Variants in MARCHF4 observed in about 807,000 individuals in gnomAD.
MARCHF4 encodes the protein E3 ubiquitin-protein ligase MARCHF4.
In MARCHF4, 14 loss-of-function variants were observed where a neutral mutation model predicts 43.9. The observed-to-expected ratio is 0.32, with a 90% CI of 0.21 to 0.50. MARCHF4 has a LOEUF of 0.50. Ranked by LOEUF, MARCHF4 falls within the 20% of genes least tolerant of loss-of-function variation. MARCHF4 has a pLI of 0.98. For missense variants in MARCHF4, 468 were observed against 536.7 expected, an observed-to-expected ratio of 0.87 and a Z score of 1.27; for synonymous variants, 226 against 213.3, an observed-to-expected ratio of 1.06 and a Z score of -0.52.
chr2:216,367,362 T>C (rs1574489902), intron 1 of MARCHF4, among the ~76,000 whole-genome samples: 1 of 150,638 alleles, frequency 6.6e-6, no homozygotes, highest in East Asian at 2.0e-4. Flanking sequence ...CTCCCTCCCC[T>C]TCACTGCTGT....
intron 1 of MARCHF4, among the ~76,000 whole-genome samples, chr2:216,305,373 C>G (rs1459609222): frequency 6.6e-6 from 1 of 152,174 alleles, no homozygotes; most frequent in Non-Finnish European, 1.5e-5. Context: ...TGGTCATGGT[C>G]TATAGTTTGA....
intron 3 of MARCHF4, chr2:216,266,207 C>G (rs138338293): frequency 1.3e-5 from 2 of 152,224 alleles, no homozygotes; most frequent in African/African-American, 2.4e-5. Context: ...ACTCACCTTG[C>G]GGCTTTAGGT....
Position 216,277,994 on chromosome 2 carries a change from T to C in MARCHF4, c.673-130A>G, listed in dbSNP as rs74775692. On this transcript the variant is annotated intron_variant, in intron 2 of 3. Coordinates refer to ENST00000273067, the MANE Select transcript of MARCHF4 (RefSeq NM_020814.3). ...TAAGCCAGGGCTTTCCAACCTGTGGTACAATGAGCATTTTGCAGGTTTCTG... is the reference window on the plus strand; with the variant it reads ...TAAGCCAGGGCTTTCCAACCTGTGGCACAATGAGCATTTTGCAGGTTTCTG... 5.3e-6 allele frequency: 4 copies of C among 755,702 alleles called. No individual in the cohort carries two copies. In the East Asian group the frequency reaches 1.1e-4, roughly 21 times the overall value. 46.8% of individuals were successfully genotyped at this position (755,702 alleles called of 1,614,324 possible). A position where few individuals can be genotyped will look rare whatever the true frequency, so the allele number is the denominator to read the frequency against.
At chr2:216,299,344 G>A (rs1174754586) in intron 1 of MARCHF4, among the ~76,000 whole-genome samples, 1 of 152,190 alleles carries the variant, frequency 6.6e-6, no homozygotes, top group East Asian at 1.9e-4. Context: ...ATGACGTGGA[G>A]TATTCTCATC....
chr2:216,292,368 G>A (rs1325770602), intron 1 of MARCHF4, among the ~76,000 whole-genome samples: 1 of 152,226 alleles, frequency 6.6e-6, no homozygotes, highest in Non-Finnish European at 1.5e-5. Flanking sequence ...TGAAGACTCA[G>A]AGAATCTAGA....
chr2:216,290,139 T>C lies in MARCHF4; in HGVS notation c.517-6410A>G, dbSNP rs545584042. On this transcript the variant is annotated intron_variant, in intron 1 of 3. Transcript: ENST00000273067. Reference sequence around the variant, plus strand: ...ACCATATATACCTAAGAGACTGTTATGTGCTATGGAGAAAAATAAGCAGGG... The same window carrying C: ...ACCATATATACCTAAGAGACTGTTACGTGCTATGGAGAAAAATAAGCAGGG... Among the ~76,000 whole-genome samples, 71 of 152,290 alleles carry C rather than the reference T, an allele frequency of 4.7e-4. 1 individual carries two copies. Among genetic ancestry groups the C allele is most frequent in the African/African-American group, 1.7e-3 (69 of 41,558 alleles).
In MARCHF4 at chr2:216,369,821, C is replaced by G. The variant is rs747052319; in HGVS notation, c.440G>C (p.Arg147Pro). 6.2e-7 allele frequency: 1 copy of G among 1,613,738 alleles called. No homozygotes were observed. The highest frequency in any genetic ancestry group is 1.1e-5 in the South Asian group (1 of 91,046). The change falls in exon 1 of 4, where the codon CGC (arginine) becomes CCC (proline). Residue 147 changes from arginine to proline, a missense_variant. This residue lies in a region of MARCHF4 where 158 missense variants were observed against 251.1 expected (regional missense o/e 0.63). Transcript: ENST00000273067. ...DDFCKEKTED[R>P]YSLGSSLDSG... ...GTCCAAGCTGCTGCCCAGTGAGTAG[C>G]GATCCTCGGTCTTCTCCTTACAGAA...
chr2:216,351,874 T>TG (rs1203374185), intron 1 of MARCHF4, among the ~76,000 whole-genome samples: 2 of 152,212 alleles, frequency 1.3e-5, no homozygotes, highest in Non-Finnish European at 2.9e-5. Flanking sequence ...TGATGGCACC[T>TG]GGGGATTAAT....
chr2:216,367,621 C>G (rs1004912509), intron 1 of MARCHF4, among the ~76,000 whole-genome samples: 2 of 152,202 alleles, frequency 1.3e-5, no homozygotes, highest in African/African-American at 4.8e-5. Context: ...TAATTTGATC[C>G]AGTCTTAATG....
intron 1 of MARCHF4, among the ~76,000 whole-genome samples, chr2:216,283,944 G>C (rs181373076): frequency 5.5e-4 from 83 of 152,258 alleles, no homozygotes; most frequent in Admixed American, 5.0e-3. Context: ...ACGGCTCTGA[G>C]CCCCTGCTAC....
chr2:216,317,515 A>G (rs1691798242), intron 1 of MARCHF4, among the ~76,000 whole-genome samples: 1 of 152,044 alleles, frequency 6.6e-6, no homozygotes, highest in Non-Finnish European at 1.5e-5. Flanking sequence ...CCTGGGTTCA[A>G]GTGATCTCAT....
chr2:216,314,303 T>A (rs184430225), intron 1 of MARCHF4, among the ~76,000 whole-genome samples: 17 of 151,742 alleles, frequency 1.1e-4, no homozygotes, highest in Admixed American at 1.0e-3. Flanking sequence ...ATATATTAAA[T>A]AAGTAGACAA....
intron 2 of MARCHF4, among the ~76,000 whole-genome samples, chr2:216,282,261 C>A (rs1050804053): frequency 6.6e-6 from 1 of 152,102 alleles, no homozygotes; most frequent in African/African-American, 2.4e-5. Flanking sequence ...AAATGCCCTG[C>A]AACCCCAGCA....
chr2:216,336,760 A>AAAAAAAAAAAAAAAAAAAAAAAAAAAAC, intron 1 of MARCHF4, among the ~76,000 whole-genome samples: 1 of 149,620 alleles, frequency 6.7e-6, no homozygotes, highest in Non-Finnish European at 1.5e-5. Flanking sequence ...AAAAAAAAAA[A>AAAAAAAAAAAAAAAAAAAAAAAAAAAAC]AAAAAAAGCT....
chr2:216,354,680 T>C (rs1692454358), intron 1 of MARCHF4, among the ~76,000 whole-genome samples: 1 of 152,152 alleles, frequency 6.6e-6, no homozygotes, highest in African/African-American at 2.4e-5. Flanking sequence ...ACAGGACATT[T>C]TCATCTCTAA....
chr2:216,343,940 G>A (rs1692272485), intron 1 of MARCHF4, among the ~76,000 whole-genome samples: 1 of 152,162 alleles, frequency 6.6e-6, no homozygotes, highest in Non-Finnish European at 1.5e-5. Flanking sequence ...AATGAATGCT[G>A]GAGATCTCAG....
intron 1 of MARCHF4, among the ~76,000 whole-genome samples, chr2:216,347,239 G>A (rs1311979401): frequency 1.3e-5 from 2 of 152,186 alleles, no homozygotes; most frequent in East Asian, 1.9e-4. Flanking sequence ...ACAAGTCAAA[G>A]AACGGTGGCA....
intron 1 of MARCHF4, among the ~76,000 whole-genome samples, chr2:216,367,258 A>T (rs1692680564): frequency 6.6e-6 from 1 of 152,064 alleles, no homozygotes; most frequent in African/African-American, 2.4e-5. Context: ...TCTCTCCCTG[A>T]ACAGAAATTA....
At chr2:216,282,979 G>A (rs953715816) in intron 2 of MARCHF4, among the ~76,000 whole-genome samples, 1 of 142,230 alleles carries the variant, frequency 7.0e-6, no homozygotes, top group Non-Finnish European at 1.5e-5. Context: ...CAGACCTACC[G>A]AATACAACAT....
Sources: allele counts gnomAD v4.1 joint callset (sites outside exome capture counted in the v4.1 genomes callset), GRCh38; gene constraint gnomAD v4.1.1; regional missense constraint gnomAD v4.1.1; transcripts MANE v1.5; gene names NCBI Gene and HGNC (gene_info 2026-07-23, HGNC 2026-07-21).